Variants in MBOAT2 observed in about 807,000 individuals in gnomAD.
MBOAT2 encodes membrane bound glycerophospholipid O-acyltransferase 2, also known as membrane-bound glycerophospholipid O-acyltransferase 2.
Under a neutral mutation model 63.4 loss-of-function variants are expected in MBOAT2, and 28 were observed. The observed-to-expected ratio is 0.44, with a 90% confidence interval of 0.33 to 0.61. The LOEUF is 0.61. Among genes scored for constraint, MBOAT2 ranks in the 20% least tolerant of loss-of-function variants. The pLI, the probability that MBOAT2 is intolerant of heterozygous loss-of-function variation, is 0.03. For synonymous variants in MBOAT2, 211 were observed against 215.6 expected (o/e 0.98, Z 0.19); for missense variants, 470 against 605.8 (o/e 0.78, Z 2.35).
chr2:8,868,774 A>G (rs10194749), intron 8 of MBOAT2, among the ~76,000 whole-genome samples: 36,812 of 152,020 alleles, frequency 0.24, 7,135 homozygotes, highest in African/African-American at 0.54. Flanking sequence ...GGGGGCGGGT[A>G]GAGTTTAAAA....
chr2:8,929,582 A>T (rs2103197982), intron 3 of MBOAT2, among the ~76,000 whole-genome samples: 1 of 152,332 alleles, frequency 6.6e-6, no homozygotes, highest in South Asian at 2.1e-4. Context: ...TCAACTCTTG[A>T]GCTCAAGCGA....
At chr2:8,878,281 T>G (rs72771515) in intron 6 of MBOAT2, among the ~76,000 whole-genome samples, 3,838 of 152,252 alleles carry the variant, frequency 0.025, 88 homozygotes, top group Non-Finnish European at 0.031. Flanking sequence ...TTTAGACTAT[T>G]TATGTTACCA....
chr2:8,907,678 TG>T (rs1185151745), intron 4 of MBOAT2, among the ~76,000 whole-genome samples: 1 of 152,222 alleles, frequency 6.6e-6, no homozygotes, highest in Non-Finnish European at 1.5e-5. Flanking sequence ...GCATTTAAAT[TG>T]TTTTGTTTTG....
intron 3 of MBOAT2, among the ~76,000 whole-genome samples, chr2:8,940,045 G>A (rs1446673310): frequency 2.6e-5 from 4 of 151,696 alleles, no homozygotes; most frequent in South Asian, 2.1e-4. Flanking sequence ...CCAGCTACAC[G>A]TCCTCAGTTA....
In MBOAT2 at chr2:8,968,492, G is replaced by A. The variant is rs186679918; in HGVS notation, c.76-9850C>T. Among the ~76,000 whole-genome samples the A allele has an allele frequency of 2.0e-3, 308 of 152,358 alleles. 1 individual carries two copies. Among genetic ancestry groups the A allele is most frequent in the African/African-American group, 6.9e-3 (288 of 41,588 alleles). On this transcript the variant is annotated intron_variant, in intron 1 of 12. Transcript: ENST00000305997. ...AGTGTCTCTCCCCTTCCAAAGGAAT[G>A]CAGCTCCTCGCCAGCAATGGAACAA...
intron 5 of MBOAT2, among the ~76,000 whole-genome samples, chr2:8,884,195 CA>C (rs1169179642): frequency 0.013 from 289 of 22,096 alleles, no homozygotes; most frequent in East Asian, 0.045. Flanking sequence ...AAGACTCAGC[CA>C]AAAAAAAAAA....
In MBOAT2 at chr2:8,889,215, G is replaced by A. The variant is rs561758026; in HGVS notation, c.396-1142C>T. On this transcript the variant is annotated intron_variant, in intron 4 of 12. Coordinates refer to ENST00000305997, the MANE Select transcript of MBOAT2 (RefSeq NM_138799.4). ...CTGCTCTCTTCCAGCAGTCCACACC[G>A]CTCAGTGCAGAAGCTCGAACTGCTG... Among the ~76,000 whole-genome samples, 14 of 152,334 alleles carry A rather than the reference G, an allele frequency of 9.2e-5. No individual in the cohort carries two copies. The East Asian group carries it at 1.2e-3, about 13-fold the overall frequency.
Position 8,864,139 on chromosome 2 carries a change from AC to A in MBOAT2, c.1052+30del, listed in dbSNP as rs1661689138. 5 of 1,487,018 alleles carry A rather than the reference AC, an allele frequency of 3.4e-6. No individual in the cohort carries two copies. The South Asian group carries it at 6.4e-5, about 19-fold the overall frequency. 92.1% of individuals were successfully genotyped at this position (1,487,018 alleles called of 1,614,324 possible). A position where few individuals can be genotyped will look rare whatever the true frequency, so the allele number is the denominator to read the frequency against. Reference sequence around the variant, plus strand: ...AACCTCGAGAACTAGACGCCAAAGCACATCTAAAGATCGTTTTTGAAGGAAC... The same window carrying A: ...AACCTCGAGAACTAGACGCCAAAGCAATCTAAAGATCGTTTTTGAAGGAAC... On this transcript the variant is annotated intron_variant, in intron 10 of 12. Coordinates refer to ENST00000305997, the MANE Select transcript of MBOAT2 (RefSeq NM_138799.4).
chr2:8,940,314 T>C (rs1029963608), intron 3 of MBOAT2, among the ~76,000 whole-genome samples: 8 of 152,172 alleles, frequency 5.3e-5, no homozygotes, highest in African/African-American at 1.7e-4. Flanking sequence ...TTTTTTGAGA[T>C]GGAGTCTCGC....
chr2:8,985,095 C>A (rs796076105), intron 1 of MBOAT2, among the ~76,000 whole-genome samples: 32 of 151,878 alleles, frequency 2.1e-4, no homozygotes, highest in African/African-American at 7.7e-4. Context: ...AAAAAAAAAA[C>A]TAAAATGTCT....
At chr2:8,989,233 T>C (rs1459664752) in intron 1 of MBOAT2, among the ~76,000 whole-genome samples, 1 of 152,272 alleles carries the variant, frequency 6.6e-6, no homozygotes, top group East Asian at 1.9e-4. Context: ...ACCACCTGTG[T>C]CCTTCAGTGA....
chr2:9,002,225 C>T (rs937006875), intron 1 of MBOAT2, among the ~76,000 whole-genome samples: 14 of 152,234 alleles, frequency 9.2e-5, no homozygotes, highest in African/African-American at 3.4e-4. Flanking sequence ...TTGTTCAAGA[C>T]AGGTGGGGGA....
intron 3 of MBOAT2, among the ~76,000 whole-genome samples, chr2:8,929,330 GTTCATTCATTCATTCA>G (rs56004479): frequency 4.0e-5 from 6 of 151,376 alleles, no homozygotes; most frequent in Non-Finnish European, 7.4e-5. Flanking sequence ...TTATTTATTT[GTTCATTCATTCATTCA>G]TTCATTCATT....
At chr2:8,942,271 G>C (rs948030113) in intron 3 of MBOAT2, among the ~76,000 whole-genome samples, 1 of 152,130 alleles carries the variant, frequency 6.6e-6, no homozygotes, top group African/African-American at 2.4e-5. Flanking sequence ...AAAAGCCACA[G>C]GTCTGATTCT....
intron 4 of MBOAT2, among the ~76,000 whole-genome samples, chr2:8,899,619 C>T (rs1572998349): frequency 6.6e-6 from 1 of 152,298 alleles, no homozygotes; most frequent in South Asian, 2.1e-4. Flanking sequence ...GAGCAGTGCA[C>T]CTTCCAGTGA....
intron 4 of MBOAT2, among the ~76,000 whole-genome samples, chr2:8,888,807 C>T (rs1345424092): frequency 4.6e-5 from 7 of 152,044 alleles, no homozygotes; most frequent in African/African-American, 1.2e-4. Flanking sequence ...GCGGGAGAAT[C>T]GCTTGAGCCC....
chr2:8,974,703 C>T (rs1430139828), intron 1 of MBOAT2, among the ~76,000 whole-genome samples: 1 of 152,090 alleles, frequency 6.6e-6, no homozygotes, highest in Non-Finnish European at 1.5e-5. Flanking sequence ...CATTTATTAT[C>T]TACTCCCAAA....
At chr2:8,902,199 C>A (rs193011038) in intron 4 of MBOAT2, among the ~76,000 whole-genome samples, 1 of 152,180 alleles carries the variant, frequency 6.6e-6, no homozygotes, top group Non-Finnish European at 1.5e-5. Context: ...CGTAGTCCAG[C>A]GGCCGTGCTA....
chr2:8,881,413 C>T (rs1385545168), intron 6 of MBOAT2, among the ~76,000 whole-genome samples: 4 of 151,970 alleles, frequency 2.6e-5, no homozygotes, highest in African/African-American at 7.3e-5. Context: ...GTACTACTGG[C>T]GATACTAAGG....
Sources: allele counts gnomAD v4.1 joint callset (sites outside exome capture counted in the v4.1 genomes callset), GRCh38; gene constraint gnomAD v4.1.1; transcripts MANE v1.5; gene names NCBI Gene and HGNC (gene_info 2026-07-23, HGNC 2026-07-21).